SCAF11: variants seen among roughly 807,000 people sequenced by gnomAD.
SCAF11 encodes protein SCAF11.
In SCAF11, 47 loss-of-function variants were observed where a neutral mutation model predicts 140.5. The ratio of observed to expected loss-of-function variants is 0.33; its 90% CI spans 0.26 to 0.43. The LOEUF (loss-of-function observed/expected upper bound fraction) is 0.43, where lower values mean the gene tolerates loss of function less well. Ranked by LOEUF, SCAF11 falls within the 20% of genes least tolerant of loss-of-function variation. The pLI, the probability that SCAF11 is intolerant of heterozygous loss-of-function variation, is 1.00. For synonymous variants in SCAF11, 557 were observed against 579.4 expected (o/e 0.96, Z 0.55); for missense variants, 1,645 against 1,705.1 (o/e 0.96, Z 0.62).
rs568146047 is a variant in SCAF11, at chr12:45,928,165, A to G, written c.1536T>C (p.Ser512=). Residue 512 remains serine, a synonymous_variant, in exon 11 of 15, where the codon TCT becomes TCC. Transcript: ENST00000369367. ...CACCTCCTTTTTCAAGAATATTTTC[A>G]GAAATCTCACTTTCCAAACACAAAA... ...ANVLCLESEI[S]ENILEKGGDP... The G allele has an allele frequency of 8.1e-6, 13 of 1,614,022 alleles. No individual in the cohort carries two copies. Among genetic ancestry groups the G allele is most frequent in the Middle Eastern group, 1.7e-4 (1 of 6,060 alleles).
Position 45,928,570 on chromosome 12 carries a change from T to A in SCAF11, c.1131A>T (p.Val377=), listed in dbSNP as rs757459758. Residue 377 remains valine (V), a synonymous_variant, in exon 11 of 15, where the codon GTA becomes GTT. Coordinates refer to ENST00000369367, the MANE Select transcript of SCAF11 (RefSeq NM_004719.3). ...GTAAAGGTGGTTTTCTTCCTCTTCT[T>A]ACAGACTTCCGTTTTGGAGCCTGTC... ...QTRQAPKRKS[V]RRGRKPPLLK... 3.3e-5 allele frequency: 53 copies of A among 1,614,190 alleles called. No homozygotes were observed. Among genetic ancestry groups the A allele is most frequent in the Non-Finnish European group, 4.5e-5 (53 of 1,180,004 alleles).
rs866263289 is a variant in SCAF11, at chr12:45,927,396, T to C, written c.2305A>G (p.Thr769Ala). Residue 769 changes from threonine (T) to alanine (A), a missense_variant, in exon 11 of 15, where the codon ACT becomes GCT. Physicochemically the swap from Thr to Ala is moderately conservative, Grantham distance 58. Coordinates refer to ENST00000369367, the MANE Select transcript of SCAF11 (RefSeq NM_004719.3). ...GGGCTTTCAGATGGTTGAGAAACAG[T>C]TTCAACCTTTTCATCCGCAAGATCA... ...SSDLADEKVE[T>A]VSQPSESPKD... The C allele has an allele frequency of 6.2e-7, 1 of 1,613,998 alleles. No homozygotes were observed. Among genetic ancestry groups the C allele is most frequent in the Middle Eastern group, 1.6e-4 (1 of 6,062 alleles).
Position 45,927,658 on chromosome 12 carries a change from T to G in SCAF11, c.2043A>C (p.Leu681Phe), listed in dbSNP as rs199995851. ...NLLNTKLEKS[L>F]EEKNESLTEH... ...CGGTCAGCGATTCATTCTTTTCTTC[T>G]AAAGATTTTTCCAATTTGGTGTTCA... The change falls in exon 11 of 15, where the codon TTA (leucine) becomes TTC (phenylalanine). Residue 681 changes from leucine (L) to phenylalanine (F), a missense_variant. By Grantham distance (22) the Leu-to-Phe change is conservative. Around this residue, in one of 2 missense-constraint regions of SCAF11, gnomAD observed 1,582 missense variants for 1,609.2 expected, o/e 0.98. Coordinates refer to ENST00000369367, the MANE Select transcript of SCAF11 (RefSeq NM_004719.3). 3.3e-5 allele frequency: 54 copies of G among 1,612,148 alleles called. No individual in the cohort carries two copies. The Admixed American group carries it at 5.7e-4, about 17-fold the overall frequency.
rs1425229961 is a variant in SCAF11 at position 45,928,740 on chromosome 12, T to C, written c.961A>G (p.Arg321Gly). 13 of 1,613,794 alleles carry C rather than the reference T, an allele frequency of 8.1e-6. No individual in the cohort carries two copies. The highest frequency in any genetic ancestry group is 5.0e-5 in the Admixed American group (3 of 59,996). The change falls in exon 11 of 15, where the codon AGG (arginine) becomes GGG (glycine). Residue 321 changes from arginine to glycine, a missense_variant. Arg to Gly is a moderately radical substitution (Grantham distance 125, BLOSUM62 -2). Coordinates refer to ENST00000369367, the MANE Select transcript of SCAF11 (RefSeq NM_004719.3). The part of the protein sequence containing the change: ...RRKPAMTTPT[R>G]RSTRNTRAET... ...GCTCTTGTGTTACGTGTAGACCTCC[T>C]TGTAGGAGTTGTCATTGCAGGTTTT...
In SCAF11 at chr12:45,953,733, G is replaced by A. The variant is rs1945608820; in HGVS notation, c.220-2006C>T. 3 of 295,674 alleles carry A rather than the reference G, an allele frequency of 1.0e-5. No homozygotes were observed. In the South Asian group the frequency reaches 1.0e-4, roughly 10 times the overall value. The allele number at this position is 295,674 out of a possible 1,614,324, so 18.3% of individuals were successfully genotyped here. A position where few individuals can be genotyped will look rare whatever the true frequency, so the allele number is the denominator to read the frequency against. On this transcript the variant is annotated intron_variant, in intron 3 of 14. Coordinates refer to ENST00000369367, the MANE Select transcript of SCAF11 (RefSeq NM_004719.3). ...GATGTATAGAGGCCATGAATTTACT[G>A]TGCTACTTTCGTATCTTTTTAATAA...
chr12:45,923,787 A>G (rs1452296290), intron 12 of SCAF11, among the ~76,000 whole-genome samples: 1 of 151,940 alleles, frequency 6.6e-6, no homozygotes, highest in East Asian at 1.9e-4. Flanking sequence ...GGTTCAAGTG[A>G]TTCTTGAGCC....
At chr12:45,974,127 G>A (rs1384101879) in intron 1 of SCAF11, 2 of 467,620 alleles carry the variant, frequency 4.3e-6, no homozygotes, top group Non-Finnish European at 8.9e-6. Flanking sequence ...ATATTATACT[G>A]TAGTCCATGA....
At chr12:45,956,480 C>A (rs1945695170) in intron 3 of SCAF11, among the ~76,000 whole-genome samples, 2 of 152,170 alleles carry the variant, frequency 1.3e-5, no homozygotes, top group South Asian at 4.1e-4. Context: ...TGTTCACCTG[C>A]AGTCAGCCTA....
At position 45,926,499 on chromosome 12, in the gene SCAF11, C is replaced by G; in HGVS notation, c.3202G>C (p.Val1068Leu). Residue 1068 changes from valine to leucine, a missense_variant, in exon 11 of 15, where the codon GTA becomes CTA. Transcript: ENST00000369367. ...CCTCTGCCTCTACCACGGTTAGATA[C>G]CCAACCAGAACCAAAGTTTTTATTC... ...SWNKNFGSGW[V>L]SNRGRGRGNR... 1 of 1,614,156 alleles carries G rather than the reference C, an allele frequency of 6.2e-7. No homozygotes were observed. The highest frequency in any genetic ancestry group is 1.6e-4 in the Middle Eastern group (1 of 6,062).
At chr12:45,960,724 A>G (rs980942278) in intron 3 of SCAF11, 1 of 152,098 alleles carries the variant, frequency 6.6e-6, no homozygotes, top group African/African-American at 2.4e-5. Context: ...GAACTCAGCC[A>G]GAGTCACTAT....
chr12:45,925,130 G>A, intron 11 of SCAF11, 56 bp from the exon 12 acceptor site: 3 of 1,355,838 alleles, frequency 2.2e-6, no homozygotes, highest in Non-Finnish European at 3.0e-6. Flanking sequence ...TCTTTAGACA[G>A]AGAAACAAAG....
In SCAF11 at chr12:45,934,033, C is replaced by T. The variant is rs991060268; in HGVS notation, c.632+143G>A. ...TTTGCTAGAGCTAGTTTACCTTCCCCCCCGCCCAAAAAAAAACTAAAGCAA... is the reference window on the plus strand; with the variant it reads ...TTTGCTAGAGCTAGTTTACCTTCCCTCCCGCCCAAAAAAAAACTAAAGCAA... On this transcript the variant is annotated intron_variant, in intron 8 of 14. Coordinates refer to ENST00000369367, the MANE Select transcript of SCAF11 (RefSeq NM_004719.3). The T allele has an allele frequency of 2.4e-5, 13 of 531,118 alleles. No homozygotes were observed. In the South Asian group the frequency reaches 2.8e-4, roughly 11 times the overall value. 32.9% of individuals were successfully genotyped at this position (531,118 alleles called of 1,614,324 possible).
intron 13 of SCAF11, 133 bp from the exon 14 acceptor site, chr12:45,922,715 A>C: frequency 2.1e-6 from 2 of 968,614 alleles, no homozygotes; most frequent in Non-Finnish European, 3.0e-6. Flanking sequence ...AATATAAAAC[A>C]GTTTATTTAC....
At chr12:45,934,776 T>C (rs1434242860) in intron 6 of SCAF11, among the ~76,000 whole-genome samples, 3 of 152,210 alleles carry the variant, frequency 2.0e-5, no homozygotes, top group Non-Finnish European at 2.9e-5. Flanking sequence ...TGAGTTAAAA[T>C]TCTAATCAAC....
At chr12:45,974,028 T>A (rs1946175073) in intron 1 of SCAF11, among the ~76,000 whole-genome samples, 1 of 152,170 alleles carries the variant, frequency 6.6e-6, no homozygotes, top group Non-Finnish European at 1.5e-5. Flanking sequence ...CTCAAAGACA[T>A]CATGGGTCTA....
intron 10 of SCAF11, among the ~76,000 whole-genome samples, chr12:45,930,434 CGTTGT>C (rs1945012404): frequency 6.8e-6 from 1 of 147,462 alleles, no homozygotes; most frequent in African/African-American, 2.6e-5. Flanking sequence ...CCAGGTTTTG[CGTTGT>C]GTTTTGTTTT....
chr12:45,969,827 C>A (rs1033699444), intron 1 of SCAF11, among the ~76,000 whole-genome samples: 1 of 152,188 alleles, frequency 6.6e-6, no homozygotes. Context: ...GCCTTGAATT[C>A]CTGGGCTCAA....
At chr12:45,986,552 C>T (rs1946463838) in intron 1 of SCAF11, among the ~76,000 whole-genome samples, 1 of 152,184 alleles carries the variant, frequency 6.6e-6, no homozygotes, top group South Asian at 2.1e-4. Flanking sequence ...CTAGTTTTGC[C>T]TTCTGGAACT....
intron 3 of SCAF11, chr12:45,961,375 A>G (rs1050523341): frequency 1.4e-6 from 1 of 711,832 alleles, no homozygotes; most frequent in Non-Finnish European, 2.6e-6. Flanking sequence ...TGGTAAACAG[A>G]TATTATCCTA....
Sources: gnomAD v4.1 joint callset for allele counts (sites outside exome capture counted in the v4.1 genomes callset) on GRCh38, gnomAD v4.1.1 for gene constraint, gnomAD v4.1.1 regional missense constraint, MANE v1.5 for transcripts, NCBI Gene and HGNC (gene_info 2026-07-23, HGNC 2026-07-21) for gene names.